Variants in CACNA2D3 observed in about 807,000 individuals in gnomAD.
CACNA2D3 encodes the protein calcium voltage-gated channel auxiliary subunit alpha2delta 3.
A neutral mutation model predicts 160.6 loss-of-function variants in CACNA2D3; 60 were observed. That is an observed-to-expected ratio of 0.37 (90% CI 0.30 to 0.46). The LOEUF (loss-of-function observed/expected upper bound fraction) is 0.46. Among genes scored for constraint, CACNA2D3 ranks in the 20% least tolerant of loss-of-function variants. CACNA2D3 has a pLI of 1.00. For missense variants in CACNA2D3, 1,205 were observed against 1,365.0 expected (o/e 0.88, Z 1.85); for synonymous variants, 558 against 492.9 (o/e 1.13, Z -1.75).
chr3:55,067,102 G>C (rs547774687), intron 35 of CACNA2D3, among the ~76,000 whole-genome samples: 23 of 140,164 alleles, frequency 1.6e-4, no homozygotes, highest in African/African-American at 5.2e-4. Context: ...CTTTTGTAGC[G>C]GGGGGGGCTT....
intron 3 of CACNA2D3, among the ~76,000 whole-genome samples, chr3:54,336,204 C>T (rs911198039): frequency 6.6e-6 from 1 of 152,092 alleles, no homozygotes; most frequent in Non-Finnish European, 1.5e-5. Flanking sequence ...CTGCTCTGCA[C>T]AGCCTGACTT....
At chr3:54,570,919 G>T (rs2106721033) in intron 8 of CACNA2D3, among the ~76,000 whole-genome samples, 1 of 152,272 alleles carries the variant, frequency 6.6e-6, no homozygotes, top group East Asian at 1.9e-4. Context: ...AGTGACCATG[G>T]CCTGTGACAC....
chr3:54,354,797 G>A (rs992434736), intron 3 of CACNA2D3, among the ~76,000 whole-genome samples: 11 of 152,202 alleles, frequency 7.2e-5, no homozygotes, highest in East Asian at 1.9e-4. Context: ...GGATTCCAGC[G>A]TTTACTGATA....
chr3:54,827,566 C>G (rs1222730431), intron 14 of CACNA2D3, among the ~76,000 whole-genome samples: 6 of 152,180 alleles, frequency 3.9e-5, no homozygotes, highest in Admixed American at 3.9e-4. Flanking sequence ...TCTTTTATCA[C>G]TGTGACATCA....
At chr3:54,294,633 A>G (rs770112019) in intron 2 of CACNA2D3, among the ~76,000 whole-genome samples, 1 of 152,208 alleles carries the variant, frequency 6.6e-6, no homozygotes, top group Non-Finnish European at 1.5e-5. Context: ...AACAACACAC[A>G]TGTGAGTTTC....
chr3:54,596,339 C>T (rs946320690), intron 9 of CACNA2D3, among the ~76,000 whole-genome samples: 2 of 152,190 alleles, frequency 1.3e-5, no homozygotes, highest in East Asian at 1.9e-4. Flanking sequence ...TGTGCTTCCA[C>T]ATGAAGCAGA....
chr3:54,921,454 T>C (rs115836396), intron 27 of CACNA2D3, among the ~76,000 whole-genome samples: 348 of 152,282 alleles, frequency 2.3e-3, no homozygotes, highest in Non-Finnish European at 3.9e-3. Flanking sequence ...GAGAGAAATA[T>C]TAATCATACA....
At chr3:54,630,377 C>A (rs542322260) in intron 10 of CACNA2D3, among the ~76,000 whole-genome samples, 1 of 152,254 alleles carries the variant, frequency 6.6e-6, no homozygotes, top group African/African-American at 2.4e-5. Flanking sequence ...CATCTGTCAC[C>A]TTTGTTCTCA....
intron 9 of CACNA2D3, among the ~76,000 whole-genome samples, chr3:54,582,363 T>C (rs1702692403): frequency 6.6e-6 from 1 of 152,192 alleles, no homozygotes; most frequent in Admixed American, 6.5e-5. Context: ...GCCTGTTCCA[T>C]TAATATTGTG....
chr3:54,408,321 T>C (rs2106720210), intron 4 of CACNA2D3, among the ~76,000 whole-genome samples: 1 of 152,164 alleles, frequency 6.6e-6, no homozygotes, highest in African/African-American at 2.4e-5. Flanking sequence ...ACACATAATA[T>C]CGTAATTTTC....
At chr3:54,563,034 G>C in intron 6 of CACNA2D3, 103 bp downstream of exon 6, 1 of 1,125,828 alleles carries the variant, frequency 8.9e-7, no homozygotes, top group Non-Finnish European at 1.2e-6. Context: ...CCTTTTCTTA[G>C]AAGAAAATGA....
At chr3:54,271,817 A>T (rs1278961640) in intron 2 of CACNA2D3, among the ~76,000 whole-genome samples, 1 of 152,160 alleles carries the variant, frequency 6.6e-6, no homozygotes, top group East Asian at 1.9e-4. Flanking sequence ...TTATGGAGAC[A>T]TCCTTGCTCC....
intron 11 of CACNA2D3, among the ~76,000 whole-genome samples, chr3:54,686,382 T>G (rs1218588199): frequency 1.3e-5 from 2 of 152,200 alleles, no homozygotes; most frequent in African/African-American, 4.8e-5. Flanking sequence ...TGCAGATGGT[T>G]CAGATTTTTG....
chr3:54,826,372 A>C (rs1024683640), intron 14 of CACNA2D3, among the ~76,000 whole-genome samples: 3 of 152,234 alleles, frequency 2.0e-5, no homozygotes, highest in Non-Finnish European at 2.9e-5. Flanking sequence ...AGTGCTACCA[A>C]GAAGTTCAAA....
chr3:54,924,480 C>T (rs148595393), intron 27 of CACNA2D3: 14 of 679,142 alleles, frequency 2.1e-5, no homozygotes, highest in African/African-American at 1.4e-4. Context: ...TTTGCCATAC[C>T]GTGAAATGGC....
intron 8 of CACNA2D3, among the ~76,000 whole-genome samples, chr3:54,575,981 TG>T (rs977166696): frequency 6.6e-6 from 1 of 151,926 alleles, no homozygotes; most frequent in African/African-American, 2.4e-5. Context: ...TGAATGAGAC[TG>T]GATGGAGAGA....
intron 2 of CACNA2D3, among the ~76,000 whole-genome samples, chr3:54,183,816 CAG>C (rs1233129133): frequency 7.6e-6 from 1 of 132,340 alleles, no homozygotes; most frequent in Non-Finnish European, 1.5e-5. Context: ...ACCTGGGAGG[CAG>C]AGTTTGCAGT....
intron 13 of CACNA2D3, among the ~76,000 whole-genome samples, chr3:54,810,554 ATCAT>A (rs1254353960): frequency 1.3e-5 from 2 of 152,226 alleles, no homozygotes; most frequent in East Asian, 1.9e-4. Context: ...GCAGGGATTG[ATCAT>A]TCATTCATGA....
chr3:54,872,585 C>T (rs1465622920), intron 18 of CACNA2D3, among the ~76,000 whole-genome samples: 1 of 152,182 alleles, frequency 6.6e-6, no homozygotes, highest in Admixed American at 6.5e-5. Context: ...GAACAGGGGG[C>T]CAGCATCACA....
Sources: gnomAD v4.1 joint callset for allele counts (sites outside exome capture counted in the v4.1 genomes callset) on GRCh38, gnomAD v4.1.1 for gene constraint, MANE v1.5 for transcripts, NCBI Gene and HGNC (gene_info 2026-07-23, HGNC 2026-07-21) for gene names.